Variants in MRO observed in about 807,000 individuals in gnomAD.
MRO encodes protein maestro.
In MRO, 28 loss-of-function variants were observed where a neutral mutation model predicts 31.0. The observed-to-expected ratio is 0.90, with a 90% CI of 0.67 to 1.24. MRO has a LOEUF of 1.24. Among genes scored for constraint, MRO ranks in the 50% most tolerant of loss-of-function variants. The pLI is 0.00. For missense variants in MRO, 332 were observed against 289.2 expected (o/e 1.15, Z -1.07); for synonymous variants, 108 against 108.4 (o/e 1.00, Z 0.02).
In MRO at chr18:50,801,409, A is replaced by C. The variant is rs532686240; in HGVS notation, c.525T>G (p.Val175=). The change falls in exon 6 of 8, where the codon GTT becomes GTG. Residue 175 remains valine, a synonymous_variant. Coordinates refer to ENST00000398439, the MANE Select transcript of MRO (RefSeq NM_031939.6). ...TCAGGAGGGAATCTCGTGTCTGCTT[A>C]ACCTGACTGGTGAAAAATTTTTTCC... ...RKWKKFFTSQ[V]KQTRDSLLIH... is the part of the protein sequence containing the mutation. 6.2e-7 allele frequency: 1 copy of C among 1,611,712 alleles called. No individual in the cohort carries two copies. The highest frequency in any genetic ancestry group is 1.7e-5 in the Admixed American group (1 of 59,908).
chr18:50,819,002 G>A (rs924371343), intron 2 of MRO, among the ~76,000 whole-genome samples: 9 of 152,028 alleles, frequency 5.9e-5, no homozygotes, highest in Non-Finnish European at 1.3e-4. Flanking sequence ...GCAGTGAGCC[G>A]AGATCGGGCC....
At chr18:50,808,863 C>T (rs193167319) in intron 3 of MRO, among the ~76,000 whole-genome samples, 3 of 151,648 alleles carry the variant, frequency 2.0e-5, no homozygotes, top group Non-Finnish European at 4.4e-5. Context: ...GTCGGCCGGG[C>T]GCGGTGGCTC....
chr18:50,809,410 A>T lies in MRO; in HGVS notation c.-4-6T>A. The T allele has an allele frequency of 6.4e-7, 1 of 1,571,844 alleles. No individual in the cohort carries two copies. The highest frequency in any genetic ancestry group is 8.7e-7 in the Non-Finnish European group (1 of 1,144,426). ...TCTGTCTTTGGTCCATGGAACTAAAAACAAAACAAAACAAAATCACATGCG... is the reference window on the plus strand; with the variant it reads ...TCTGTCTTTGGTCCATGGAACTAAATACAAAACAAAACAAAATCACATGCG... On this transcript the variant is annotated splice_polypyrimidine_tract_variant and splice_region_variant and intron_variant, in intron 2 of 7. Transcript: ENST00000398439.
chr18:50,818,299 G>T (rs1287664909), intron 2 of MRO, among the ~76,000 whole-genome samples: 1 of 152,162 alleles, frequency 6.6e-6, no homozygotes, highest in Non-Finnish European at 1.5e-5. Flanking sequence ...GTATGACCAA[G>T]ACCAGGAGGT....
At chr18:50,820,441 T>C (rs141195943), upstream of MRO, among the ~76,000 whole-genome samples, 35 of 152,348 alleles carry the variant, frequency 2.3e-4, no homozygotes, top group East Asian at 6.5e-3. Context: ...AACACGTGCA[T>C]AAATCTATTT....
At chr18:50,823,390 G>C (rs1378472659), upstream of MRO, among the ~76,000 whole-genome samples, 1 of 152,198 alleles carries the variant, frequency 6.6e-6, no homozygotes, top group East Asian at 1.9e-4. Context: ...CGTGGCCTAG[G>C]TCTCCTCACG....
In MRO at chr18:50,803,506, C is replaced by CA. The variant is rs1232592810; in HGVS notation, c.429+1647dup. 6.0e-3 allele frequency among the ~76,000 whole-genome samples: 772 copies of CA among 128,258 alleles called. 5 individuals are homozygous for CA. The highest frequency in any genetic ancestry group is 0.012 in the Middle Eastern group (3 of 248). 84.1% of individuals were successfully genotyped at this position (128,258 alleles called of 152,430 possible). On this transcript the variant is annotated intron_variant, in intron 5 of 7. Coordinates refer to ENST00000398439, the MANE Select transcript of MRO (RefSeq NM_031939.6). Reference sequence around the variant, plus strand: ...TGGGCAATACAGCGAGACCCTGTCTCAAAAAAAAAAAAAAAAGTGGTTGAA... The same window carrying CA: ...TGGGCAATACAGCGAGACCCTGTCTCAAAAAAAAAAAAAAAAAGTGGTTGAA...
At position 50,797,362 on chromosome 18, in the gene MRO, G is replaced by T. The variant is rs1912877848; in HGVS notation, c.*1975C>A. On this transcript the variant is annotated 3_prime_UTR_variant, in exon 8 of 8. Coordinates refer to ENST00000398439, the MANE Select transcript of MRO (RefSeq NM_031939.6). ...ACAATTCAAACGAGGAAACTGCCAG[G>T]GTTTCTATGCCCGGCACAGTGCCAT... The T allele has an allele frequency of 6.6e-6, 1 of 152,186 alleles. No individual in the cohort carries two copies. Among genetic ancestry groups the T allele is most frequent in the African/African-American group, 2.4e-5 (1 of 41,430 alleles). The allele number at this position is 152,186 out of a possible 1,614,324, so 9.4% of individuals were successfully genotyped here. A position where few individuals can be genotyped will look rare whatever the true frequency, so the allele number is the denominator to read the frequency against.
intron 2 of MRO, among the ~76,000 whole-genome samples, chr18:50,813,286 A>C (rs1280839848): frequency 6.6e-6 from 1 of 152,188 alleles, no homozygotes; most frequent in African/African-American, 2.4e-5. Flanking sequence ...TCACCACTGC[A>C]ATGGGGCACC....
At chr18:50,811,103 T>C (rs927068554) in intron 2 of MRO, among the ~76,000 whole-genome samples, 22 of 152,068 alleles carry the variant, frequency 1.4e-4, no homozygotes, top group African/African-American at 5.3e-4. Flanking sequence ...ACAATTAAAA[T>C]AGTAGGAGAG....
In MRO at chr18:50,795,400, T is replaced by C. The variant is rs928093737; in HGVS notation, c.*3937A>G. The C allele has an allele frequency of 2.6e-5, 4 of 152,204 alleles. No individual in the cohort carries two copies. The South Asian group carries it at 8.3e-4, about 31-fold the overall frequency. The allele number at this position is 152,204 out of a possible 1,614,324, so 9.4% of individuals were successfully genotyped here. On this transcript the variant is annotated 3_prime_UTR_variant, in exon 8 of 8. Transcript: ENST00000398439. ...CTTAGAAAATGCAGAAATGCACAAATATCTGTCTTCTGTACAACACTAACT... is the reference window on the plus strand; with the variant it reads ...CTTAGAAAATGCAGAAATGCACAAACATCTGTCTTCTGTACAACACTAACT...
rs111274082 is a variant in MRO at position 50,798,083 on chromosome 18, C to G, written c.*1254G>C. The G allele has an allele frequency of 6.6e-6, 1 of 152,246 alleles. No individual in the cohort carries two copies. The highest frequency in any genetic ancestry group is 2.1e-4 in the South Asian group (1 of 4,820). The allele number at this position is 152,246 out of a possible 1,614,324, so 9.4% of individuals were successfully genotyped here. A position where few individuals can be genotyped will look rare whatever the true frequency, so the allele number is the denominator to read the frequency against. On this transcript the variant is annotated 3_prime_UTR_variant, in exon 8 of 8. Transcript: ENST00000398439. ...GTGTTTTAAATTGTCTTGAACAAAA[C>G]GCTCCGGGTGTGGCCTGGATACTGA...
chr18:50,802,251 A>G (rs1264584161), intron 5 of MRO, among the ~76,000 whole-genome samples: 1 of 151,864 alleles, frequency 6.6e-6, no homozygotes, highest in Non-Finnish European at 1.5e-5. Context: ...TCTGCAGTGG[A>G]TATAATAATC....
At position 50,796,745 on chromosome 18, in the gene MRO, G is replaced by C. The variant is rs899489073; in HGVS notation, c.*2592C>G. 6.6e-6 allele frequency: 1 copy of C among 152,206 alleles called. No homozygotes were observed. Among genetic ancestry groups the C allele is most frequent in the Non-Finnish European group, 1.5e-5 (1 of 68,062 alleles). 9.4% of individuals were successfully genotyped at this position (152,206 alleles called of 1,614,324 possible). On this transcript the variant is annotated 3_prime_UTR_variant, in exon 8 of 8. Transcript: ENST00000398439. Reference sequence around the variant, plus strand: ...AGCAAAGAGAGTAACAGAAGAAAACGAAGGTTGAAAGCCTGAAATGGCAGA... The same window carrying C: ...AGCAAAGAGAGTAACAGAAGAAAACCAAGGTTGAAAGCCTGAAATGGCAGA...
At chr18:50,820,261 G>T (rs952796041), upstream of MRO, among the ~76,000 whole-genome samples, 6 of 152,190 alleles carry the variant, frequency 3.9e-5, no homozygotes, top group East Asian at 1.2e-3. Context: ...AGCTTTAACC[G>T]TTGACGTCCC....
At chr18:50,810,600 C>G (rs1431701204) in intron 2 of MRO, among the ~76,000 whole-genome samples, 1 of 152,144 alleles carries the variant, frequency 6.6e-6, no homozygotes. Context: ...TGTAATTTTA[C>G]CATGCGCATG....
At position 50,806,732 on chromosome 18, in the gene MRO, C is replaced by G. The variant is rs377655282; in HGVS notation, c.218G>C (p.Gly73Ala). ...KKRHMAMRNL[G>A]TMAYEAPDKV... ...GTCAGGGGCTTCATAGGCCATGGTTCCCAAGTTTCTCATTGCCATGTGACG... is the reference window on the plus strand; with the variant it reads ...GTCAGGGGCTTCATAGGCCATGGTTGCCAAGTTTCTCATTGCCATGTGACG... The change falls in exon 4 of 8, where the codon GGA (glycine) becomes GCA (alanine). Residue 73 changes from glycine (G) to alanine (A), a missense_variant. By Grantham distance (60) the Gly-to-Ala change is moderately conservative (BLOSUM62 0). Transcript: ENST00000398439. The G allele has an allele frequency of 2.4e-5, 38 of 1,614,044 alleles. No homozygotes were observed. Among genetic ancestry groups the G allele is most frequent in the Non-Finnish European group, 3.0e-5 (35 of 1,180,050 alleles).
chr18:50,802,922 T>C (rs2144594596), intron 5 of MRO, among the ~76,000 whole-genome samples: 1 of 150,862 alleles, frequency 6.6e-6, no homozygotes, highest in Admixed American at 6.6e-5. Flanking sequence ...GTGTAGTGTG[T>C]GTGTGTGTGT....
Position 50,798,322 on chromosome 18 carries a change from G to A in MRO, c.*1015C>T. The A allele has an allele frequency of 6.6e-6, 1 of 152,230 alleles. No homozygotes were observed. Among genetic ancestry groups the A allele is most frequent in the Non-Finnish European group, 1.5e-5 (1 of 68,026 alleles). 9.4% of individuals were successfully genotyped at this position (152,230 alleles called of 1,614,324 possible). ...ATAAATTAATAAAAATGTATACTTA[G>A]TACATATAAAATCAAAAGTTAACTG... On this transcript the variant is annotated 3_prime_UTR_variant, in exon 8 of 8. Transcript: ENST00000398439.
Sources: allele counts gnomAD v4.1 joint callset (sites outside exome capture counted in the v4.1 genomes callset), GRCh38; gene constraint gnomAD v4.1.1; transcripts MANE v1.5; gene names NCBI Gene and HGNC (gene_info 2026-07-23, HGNC 2026-07-21).